The following ZFP62 variants were observed in gnomAD, a reference collection of about 807,000 sequenced individuals.
ZFP62 encodes the protein zinc finger protein 62 homolog.
Under a neutral mutation model 56.4 loss-of-function variants are expected in ZFP62, and 44 were observed. That is an observed-to-expected ratio of 0.78 (90% CI 0.61 to 1.00). The LOEUF (loss-of-function observed/expected upper bound fraction) is 1.00, where lower values mean the gene tolerates loss of function less well. Among genes scored for constraint, ZFP62 ranks in the 50% least tolerant of loss-of-function variants. ZFP62 has a pLI of 0.00. For missense variants in ZFP62, 1,030 were observed against 1,085.7 expected (o/e 0.95, Z 0.72); for synonymous variants, 421 against 388.9 (o/e 1.08, Z -0.97).
chr5:180,833,240 G>T, the ZFP62 span, among the ~76,000 whole-genome samples: 1 of 152,040 alleles, frequency 6.6e-6, no homozygotes, highest in African/African-American at 2.4e-5. Context: ...CAGCACTTTG[G>T]GAGGCTGAGG....
At chr5:180,861,019 T>C (rs961082843) in intron 1 of ZFP62, among the ~76,000 whole-genome samples, 200 bp downstream of exon 1, 16 of 152,074 alleles carry the variant, frequency 1.1e-4, no homozygotes, top group Non-Finnish European at 2.2e-4. Flanking sequence ...GGGCGCGCCC[T>C]GCACCCCTCT....
the ZFP62 span, among the ~76,000 whole-genome samples, chr5:180,828,543 G>T: frequency 3.3e-5 from 5 of 152,198 alleles, no homozygotes; most frequent in Non-Finnish European, 7.3e-5. Flanking sequence ...CCCAAATAAT[G>T]CTTTTATAAT....
the ZFP62 span, among the ~76,000 whole-genome samples, chr5:180,828,152 C>G: frequency 7.2e-5 from 11 of 152,324 alleles, no homozygotes; most frequent in East Asian, 1.9e-3. Flanking sequence ...TACTTTGTCT[C>G]TGTGTCTTTT....
the ZFP62 span, among the ~76,000 whole-genome samples, chr5:180,841,204 A>G: frequency 1.8e-4 from 27 of 152,170 alleles, no homozygotes; most frequent in Non-Finnish European, 3.5e-4. Context: ...TAAGAGACCA[A>G]CTGAAACAAA....
chr5:180,842,852 G>T (rs577396508), downstream of ZFP62, among the ~76,000 whole-genome samples: 13 of 152,006 alleles, frequency 8.6e-5, no homozygotes, highest in Non-Finnish European at 1.5e-4. Context: ...GACCAGCCTG[G>T]CCAACACAGT....
chr5:180,847,533 G>T, downstream of ZFP62: 1 of 950,512 alleles, frequency 1.1e-6, no homozygotes, highest in Non-Finnish European at 1.3e-6. Flanking sequence ...TCTCTGGTTT[G>T]GATCTGGTAT....
In ZFP62 at chr5:180,849,886, C is replaced by T. The variant is rs373235100; in HGVS notation, c.1609G>A (p.Glu537Lys). ...TTATTTCTGAAAGCTTTACCACACT[C>T]ATCACACCCAAAGGGTTTTTCCCTG... ...HTREKPFGCD[E>K]CGKAFRNNSG... The change falls in exon 2 of 2, where the codon GAG becomes AAG. Residue 537 changes from glutamate (E) to lysine (K), a missense_variant. Physicochemically the swap from Glu to Lys is moderately conservative, Grantham distance 56. Transcript: ENST00000502412. The T allele has an allele frequency of 9.7e-6, 15 of 1,551,620 alleles. No homozygotes were observed. The African/African-American group carries it at 1.9e-4, about 20-fold the overall frequency.
the ZFP62 span, among the ~76,000 whole-genome samples, chr5:180,828,987 C>G: frequency 6.6e-6 from 1 of 152,186 alleles, no homozygotes; most frequent in Non-Finnish European, 1.5e-5. Context: ...ACGTCCTGGT[C>G]TCCTGCAGTA....
chr5:180,841,956 G>A, the ZFP62 span, among the ~76,000 whole-genome samples: 1 of 152,214 alleles, frequency 6.6e-6, no homozygotes, highest in Non-Finnish European at 1.5e-5. Context: ...GGAGGCGTAA[G>A]AATTGCTTGA....
rs772976537 is a variant in ZFP62 at position 180,849,260 on chromosome 5, A to G, written c.2235T>C (p.Ser745=). The change falls in exon 2 of 2, where the codon TCT becomes TCC. Residue 745 remains serine (S), a synonymous_variant. Transcript: ENST00000502412. ...CCCCTGTGTGGATCCTCTTGTGCTGAGAAAGGAGAGAGCTGTAACTGAAAG... is the reference window on the plus strand; with the variant it reads ...CCCCTGTGTGGATCCTCTTGTGCTGGGAAAGGAGAGAGCTGTAACTGAAAG... ...GKSFSYSSLL[S]QHKRIHTGEK... is the part of the protein sequence containing the mutation. The G allele has an allele frequency of 1.9e-6, 3 of 1,554,650 alleles. No individual in the cohort carries two copies. Among genetic ancestry groups the G allele is most frequent in the Non-Finnish European group, 2.6e-6 (3 of 1,148,816 alleles).
chr5:180,833,478 CAAAAA>C, the ZFP62 span, among the ~76,000 whole-genome samples: 2 of 76,724 alleles, frequency 2.6e-5, no homozygotes, highest in Non-Finnish European at 5.8e-5. Context: ...AACTCTGTCT[CAAAAA>C]AAAAAAAAAA....
chr5:180,835,308 C>T, the ZFP62 span: 2 of 152,236 alleles, frequency 1.3e-5, no homozygotes, highest in African/African-American at 2.4e-5. Flanking sequence ...CCTTGTACCA[C>T]ACAACTCTAG....
rs1756070304 is a variant in ZFP62, at chr5:180,861,226, G to A, written c.-7C>T. 1 of 398,044 alleles carries A rather than the reference G, an allele frequency of 2.5e-6. No individual in the cohort carries two copies. The highest frequency in any genetic ancestry group is 2.1e-5 in the African/African-American group (1 of 48,588). The allele number at this position is 398,044 out of a possible 1,614,324, so 24.7% of individuals were successfully genotyped here. A position where few individuals can be genotyped will look rare whatever the true frequency, so the allele number is the denominator to read the frequency against. On this transcript the variant is annotated 5_prime_UTR_variant, in exon 1 of 2. Coordinates refer to ENST00000502412, the MANE Select transcript of ZFP62 (RefSeq NM_001172638.2). ...GGCCGCGGACTCACGTACTGGCTGTGGCGGCGCCGCGGGAACCCGGCCGCC... is the reference window on the plus strand; with the variant it reads ...GGCCGCGGACTCACGTACTGGCTGTAGCGGCGCCGCGGGAACCCGGCCGCC...
chr5:180,844,398 T>C (rs1478927011), downstream of ZFP62, among the ~76,000 whole-genome samples: 6 of 152,222 alleles, frequency 3.9e-5, no homozygotes, highest in Non-Finnish European at 7.3e-5. Context: ...CTCTGGGGCT[T>C]TGCCCTGCCC....
At chr5:180,851,882 GAA>G (rs1773729575) in intron 1 of ZFP62, 3 of 340,634 alleles carry the variant, frequency 8.8e-6, no homozygotes, top group Non-Finnish European at 1.3e-5. Context: ...GAAGAAGACA[GAA>G]AAATTCATAA....
rs1773489441 is a variant in ZFP62, at chr5:180,848,288, A to C, written c.*504T>G. Reference sequence around the variant, plus strand: ...AATTACATCAAGTTTATACTTAAAGACCACTAATATTAAATAAATTTATAT... The same window carrying C: ...AATTACATCAAGTTTATACTTAAAGCCCACTAATATTAAATAAATTTATAT... On this transcript the variant is annotated 3_prime_UTR_variant, in exon 2 of 2. Coordinates refer to ENST00000502412, the MANE Select transcript of ZFP62 (RefSeq NM_001172638.2). 1.0e-6 allele frequency: 1 copy of C among 985,304 alleles called. No individual in the cohort carries two copies. Among genetic ancestry groups the C allele is most frequent in the Non-Finnish European group, 1.2e-6 (1 of 829,904 alleles). 61.0% of individuals were successfully genotyped at this position (985,304 alleles called of 1,614,324 possible). A position where few individuals can be genotyped will look rare whatever the true frequency, so the allele number is the denominator to read the frequency against.
At chr5:180,829,912 C>G in the ZFP62 span, 1 of 152,222 alleles carries the variant, frequency 6.6e-6, no homozygotes, top group Non-Finnish European at 1.5e-5. Flanking sequence ...CAACCCCCAC[C>G]TTCATACTTC....
chr5:180,848,194 T>C lies in ZFP62; in HGVS notation c.*598A>G, dbSNP rs113797205. ...TCCTGTTAGACTTGTAAGTCTATGC[T>C]TTCTACTTTTCCTAAAAGGAAATCC... On this transcript the variant is annotated 3_prime_UTR_variant, in exon 2 of 2. Transcript: ENST00000502412. 40,818 of 985,276 alleles carry C rather than the reference T, an allele frequency of 0.041. 3,168 individuals are homozygous for C. Among genetic ancestry groups the C allele is most frequent in the African/African-American group, 0.31 (17,810 of 57,280 alleles). The allele number at this position is 985,276 out of a possible 1,614,324, so 61.0% of individuals were successfully genotyped here. A position where few individuals can be genotyped will look rare whatever the true frequency, so the allele number is the denominator to read the frequency against.
chr5:180,853,691 T>C (rs1388761752), intron 1 of ZFP62, among the ~76,000 whole-genome samples: 1 of 152,174 alleles, frequency 6.6e-6, no homozygotes, highest in Non-Finnish European at 1.5e-5. Context: ...GAAACGTATT[T>C]GACTACGTAA....
Sources: allele counts gnomAD v4.1 joint callset (sites outside exome capture counted in the v4.1 genomes callset), GRCh38; gene constraint gnomAD v4.1.1; transcripts MANE v1.5; gene names NCBI Gene and HGNC (gene_info 2026-07-23, HGNC 2026-07-21).